OPN5: variants seen among roughly 807,000 people sequenced by gnomAD.
OPN5 encodes the protein opsin 5.
A neutral mutation model predicts 41.7 loss-of-function variants in OPN5; 18 were observed. The observed-to-expected ratio is 0.43, with a 90% CI of 0.30 to 0.64. The LOEUF is 0.64. Ranked by LOEUF, OPN5 falls within the 30% of genes least tolerant of loss-of-function variation. The pLI is 0.13. For synonymous variants in OPN5, 178 were observed against 164.3 expected (o/e 1.08, Z -0.64); for missense variants, 318 against 434.5 (o/e 0.73, Z 2.38).
chr6:47,819,880 G>A (rs1762548820), intron 6 of OPN5, among the ~76,000 whole-genome samples: 1 of 152,160 alleles, frequency 6.6e-6, no homozygotes, highest in African/African-American at 2.4e-5. Context: ...TGAAACTTGA[G>A]TTATTTGCTG....
intron 3 of OPN5, among the ~76,000 whole-genome samples, chr6:47,794,048 ATACACT>A (rs1773467882): frequency 6.6e-6 from 1 of 152,196 alleles, no homozygotes; most frequent in South Asian, 2.1e-4. Context: ...GCTAAATGAG[ATACACT>A]TACACAGGAG....
rs567500223 is a variant in OPN5 at position 47,797,158 on chromosome 6, G to C, written c.756+1595G>C. On this transcript the variant is annotated intron_variant, in intron 4 of 6. Transcript: ENST00000371211. ...ATTCAAGATGAGATCTGGGTGGGGG[G>C]ACAGCCAAACCATATCACATACTGT... Among the ~76,000 whole-genome samples the C allele has an allele frequency of 2.9e-4, 44 of 152,254 alleles. No individual in the cohort carries two copies. In the East Asian group the frequency reaches 8.1e-3, roughly 28 times the overall value.
At chr6:47,802,659 G>A (rs1321459265) in intron 4 of OPN5, among the ~76,000 whole-genome samples, 4 of 152,140 alleles carry the variant, frequency 2.6e-5, no homozygotes, top group East Asian at 1.9e-4. Context: ...TCTCCAAGCC[G>A]CACATCCCCA....
intron 4 of OPN5, 139 bp downstream of exon 4, chr6:47,795,702 C>G: frequency 1.6e-6 from 1 of 628,404 alleles, no homozygotes; most frequent in Non-Finnish European, 2.8e-6. Flanking sequence ...TGATGATTGT[C>G]TAAGCCTTTC....
In OPN5 at chr6:47,798,934, TA is replaced by T. The variant is rs1488590936; in HGVS notation, c.756+3375del. ...TTCTGATTTTCAGAACAGCCTGGTC[TA>T]AAAGCTGATTACTTAAAGTTTACCT... is the stretch of plus-strand genomic sequence containing the variant. On this transcript the variant is annotated intron_variant, in intron 4 of 6. Transcript: ENST00000371211. Among the ~76,000 whole-genome samples, 6 of 152,258 alleles carry T rather than the reference TA, an allele frequency of 3.9e-5. No individual in the cohort carries two copies. The East Asian group carries it at 1.2e-3, about 29-fold the overall frequency.
At chr6:47,787,530 ATTTG>A (rs1406277278) in intron 2 of OPN5, among the ~76,000 whole-genome samples, 1 of 152,118 alleles carries the variant, frequency 6.6e-6, no homozygotes, top group Non-Finnish European at 1.5e-5. Flanking sequence ...GAGTAGGGTA[ATTTG>A]TTTGAACAGT....
chr6:47,782,276 C>A, intron 1 of OPN5, 80 bp downstream of exon 1: 1 of 1,409,250 alleles, frequency 7.1e-7, no homozygotes, highest in Non-Finnish European at 9.9e-7. Flanking sequence ...TGAAAGGATT[C>A]TGATACTTAA....
Position 47,807,460 on chromosome 6 carries a change from G to C in OPN5, c.757-694G>C, listed in dbSNP as rs188201370. Among the ~76,000 whole-genome samples the C allele has an allele frequency of 1.7e-3, 252 of 152,226 alleles. 1 individual carries two copies. The highest frequency in any genetic ancestry group is 5.6e-3 in the African/African-American group (234 of 41,540). On this transcript the variant is annotated intron_variant, in intron 4 of 6. Transcript: ENST00000371211. Reference sequence around the variant, plus strand: ...TTGCAGATGGCAAGAGACTTCTGAGGGTATTTAAAACCCTATCGCTAATTA... The same window carrying C: ...TTGCAGATGGCAAGAGACTTCTGAGCGTATTTAAAACCCTATCGCTAATTA...
rs1367834838 is a variant in OPN5 at position 47,813,094 on chromosome 6, AC to A, written c.1056+1364del. Among the ~76,000 whole-genome samples, 671 of 151,800 alleles carry A rather than the reference AC, an allele frequency of 4.4e-3. 5 individuals carry two copies. Among genetic ancestry groups the A allele is most frequent in the African/African-American group, 0.014 (578 of 41,396 alleles). On this transcript the variant is annotated intron_variant, in intron 6 of 6. Transcript: ENST00000371211. ...AACAACAACAACAACAACAACAACA[AC>A]AACAACAACAACAACAACAAGCAAC...
rs78513198 is a variant in OPN5, at chr6:47,819,273, G to A, written c.1057-4710G>A. Among the ~76,000 whole-genome samples, 405 of 144,510 alleles carry A rather than the reference G, an allele frequency of 2.8e-3. 4 individuals are homozygous for A. Among genetic ancestry groups the A allele is most frequent in the African/African-American group, 9.5e-3 (378 of 39,584 alleles). 94.8% of individuals were successfully genotyped at this position (144,510 alleles called of 152,430 possible). A position where few individuals can be genotyped will look rare whatever the true frequency, so the allele number is the denominator to read the frequency against. On this transcript the variant is annotated intron_variant, in intron 6 of 6. Transcript: ENST00000371211. ...CACCCCAGGACACCCTAAATTTACT[G>A]GGTAGTGGCATCAATGCCATGACTT...
rs75808546 is a variant in OPN5 at position 47,824,195 on chromosome 6, G to A, written c.*204G>A. 5.5e-4 allele frequency: 320 copies of A among 586,812 alleles called. 3 individuals carry two copies. In the East Asian group the frequency reaches 8.7e-3, roughly 16 times the overall value. The allele number at this position is 586,812 out of a possible 1,614,324, so 36.4% of individuals were successfully genotyped here. On this transcript the variant is annotated 3_prime_UTR_variant, in exon 7 of 7. Transcript: ENST00000371211. ...TATCTTAACTGAGTTATCTCATTCT[G>A]GTATAGTGGCAGAGTTATAACTAAA...
At chr6:47,797,948 T>C (rs1773629448) in intron 4 of OPN5, among the ~76,000 whole-genome samples, 1 of 152,164 alleles carries the variant, frequency 6.6e-6, no homozygotes, top group South Asian at 2.1e-4. Context: ...CTGGAACTCA[T>C]TATACATATG....
chr6:47,785,770 G>T (rs975501481), intron 1 of OPN5, among the ~76,000 whole-genome samples: 1 of 152,198 alleles, frequency 6.6e-6, no homozygotes, highest in East Asian at 1.9e-4. Flanking sequence ...ATTAATAAAA[G>T]GATATGAAAA....
chr6:47,809,940 C>T (rs907069129), intron 5 of OPN5, among the ~76,000 whole-genome samples: 15 of 152,192 alleles, frequency 9.9e-5, no homozygotes, highest in Non-Finnish European at 2.2e-4. Context: ...GCAAATTTCA[C>T]GTGCCTCGTA....
intron 6 of OPN5, among the ~76,000 whole-genome samples, chr6:47,821,939 C>T (rs1762636993): frequency 6.6e-6 from 1 of 151,964 alleles, no homozygotes; most frequent in Non-Finnish European, 1.5e-5. Flanking sequence ...ATGGCAAAAC[C>T]CCTCTCTACT....
chr6:47,798,336 C>T (rs1219004326), intron 4 of OPN5, among the ~76,000 whole-genome samples: 1 of 151,700 alleles, frequency 6.6e-6, no homozygotes, highest in Non-Finnish European at 1.5e-5. Context: ...ACTTATTATA[C>T]ATATGAGTCA....
chr6:47,782,286 A>G lies in OPN5; in HGVS notation c.130+90A>G, dbSNP rs542223256. 187 of 1,318,194 alleles carry G rather than the reference A, an allele frequency of 1.4e-4. No homozygotes were observed. The African/African-American group carries it at 2.5e-3, about 18-fold the overall frequency. 81.7% of individuals were successfully genotyped at this position (1,318,194 alleles called of 1,614,324 possible). A position where few individuals can be genotyped will look rare whatever the true frequency, so the allele number is the denominator to read the frequency against. On this transcript the variant is annotated intron_variant, in intron 1 of 6. Transcript: ENST00000371211. Reference sequence around the variant, plus strand: ...TTTTGTGAAAGGATTCTGATACTTAAGTGGATAGTTTAGTGGAGGCGAAGA... The same window carrying G: ...TTTTGTGAAAGGATTCTGATACTTAGGTGGATAGTTTAGTGGAGGCGAAGA...
intron 6 of OPN5, among the ~76,000 whole-genome samples, chr6:47,821,329 C>T (rs1762616397): frequency 6.6e-6 from 1 of 152,224 alleles, no homozygotes; most frequent in Non-Finnish European, 1.5e-5. Flanking sequence ...GGAGGGCTCT[C>T]CTAAGCCACA....
intron 4 of OPN5, among the ~76,000 whole-genome samples, chr6:47,805,931 C>T (rs1007865323): frequency 6.6e-6 from 1 of 152,058 alleles, no homozygotes; most frequent in South Asian, 2.1e-4. Context: ...GTCCAATTTT[C>T]CTGGAACTCC....
Sources: gnomAD v4.1 joint callset for allele counts (sites outside exome capture counted in the v4.1 genomes callset) on GRCh38, gnomAD v4.1.1 for gene constraint, MANE v1.5 for transcripts, NCBI Gene and HGNC (gene_info 2026-07-23, HGNC 2026-07-21) for gene names.